Variants in CBLB observed in about 807,000 individuals in gnomAD.
CBLB encodes E3 ubiquitin-protein ligase CBL-B.
In CBLB, 31 loss-of-function variants were observed where a neutral mutation model predicts 104.9. The observed-to-expected ratio is 0.30, with a 90% confidence interval of 0.22 to 0.40. CBLB has a LOEUF of 0.40. CBLB is among the 10% of genes least tolerant of loss of function. The pLI is 1.00. For missense variants in CBLB, 1,062 were observed against 1,214.6 expected (o/e 0.87, Z 1.87); for synonymous variants, 440 against 422.6 (o/e 1.04, Z -0.51).
chr3:105,787,139 A>C (rs965020468), intron 3 of CBLB, among the ~76,000 whole-genome samples: 3 of 152,206 alleles, frequency 2.0e-5, no homozygotes, highest in African/African-American at 7.2e-5. Flanking sequence ...ATTTCCCTGA[A>C]CCACTATAGA....
At chr3:105,786,452 G>A (rs569954529) in intron 3 of CBLB, among the ~76,000 whole-genome samples, 6 of 152,170 alleles carry the variant, frequency 3.9e-5, no homozygotes, top group South Asian at 4.1e-4. Context: ...ACGCTGCTTC[G>A]GCTTTCAAAC....
At chr3:105,750,020 T>C (rs1053994715) in intron 5 of CBLB, among the ~76,000 whole-genome samples, 10 of 140,100 alleles carry the variant, frequency 7.1e-5, no homozygotes, top group African/African-American at 2.4e-4. Context: ...ATATCCTATA[T>C]GTATTTTTTT....
At chr3:105,727,217 G>A (rs2073769675) in intron 9 of CBLB, among the ~76,000 whole-genome samples, 1 of 152,134 alleles carries the variant, frequency 6.6e-6, no homozygotes, top group African/African-American at 2.4e-5. Flanking sequence ...AGCATCTGTT[G>A]TTTCCTGACT....
intron 3 of CBLB, among the ~76,000 whole-genome samples, chr3:105,810,548 T>C (rs1009264499): frequency 1.3e-5 from 2 of 152,086 alleles, no homozygotes; most frequent in African/African-American, 4.8e-5. Flanking sequence ...TTCATAAGAC[T>C]TTAATTCTAA....
rs1310067957 is a variant in CBLB at position 105,767,574 on chromosome 3, T to TC, written c.566+8821_566+8822insG. Among the ~76,000 whole-genome samples, 6 of 150,696 alleles carry TC rather than the reference T, an allele frequency of 4.0e-5. No individual in the cohort carries two copies. In the East Asian group the frequency reaches 1.2e-3, roughly 29 times the overall value. ...TTTCTTTTTCTTTCTTTTTTTTTTT[T>TC]TGCTTTTAGATTGCTACAGAGTATG... On this transcript the variant is annotated intron_variant, in intron 4 of 18. Transcript: ENST00000394030.
At chr3:105,789,281 T>C (rs2081374958) in intron 3 of CBLB, among the ~76,000 whole-genome samples, 1 of 152,168 alleles carries the variant, frequency 6.6e-6, no homozygotes. Flanking sequence ...TCTCTGAGAA[T>C]AGAAATGAGT....
chr3:105,859,868 T>G lies in CBLB; in HGVS notation c.169-6204A>C, dbSNP rs545512327. 4.6e-4 allele frequency among the ~76,000 whole-genome samples: 70 copies of G among 152,080 alleles called. 1 individual carries two copies. The South Asian group carries it at 0.013, about 28-fold the overall frequency. On this transcript the variant is annotated intron_variant, in intron 2 of 18. Transcript: ENST00000394030. ...AAATGTATTTTACTAAGTATAAAAA[T>G]GTACAGTGTAAAAAAGTATAAAAAT...
intron 3 of CBLB, among the ~76,000 whole-genome samples, chr3:105,781,790 T>C (rs770729514): frequency 2.6e-5 from 4 of 152,214 alleles, no homozygotes; most frequent in Non-Finnish European, 5.9e-5. Flanking sequence ...TGTGCTGCTT[T>C]TGGTAGAAGA....
intron 10 of CBLB, among the ~76,000 whole-genome samples, chr3:105,712,772 G>T (rs1427654650): frequency 6.6e-6 from 1 of 152,118 alleles, no homozygotes. Context: ...ATGTGGTCAT[G>T]CAATGAAATT....
intron 3 of CBLB, among the ~76,000 whole-genome samples, chr3:105,851,374 C>CG (rs2090929307): frequency 6.6e-6 from 1 of 151,848 alleles, no homozygotes; most frequent in Admixed American, 6.6e-5. Context: ...GCCATGGGTT[C>CG]AGGGGGGGAA....
intron 18 of CBLB, among the ~76,000 whole-genome samples, chr3:105,665,404 AATAAATAAATAAAT>A (rs1283993370): frequency 1.2e-3 from 76 of 62,490 alleles, no homozygotes; most frequent in South Asian, 6.8e-3. Context: ...TAAATAAATA[AATAAATAAATAAAT>A]ATATATATAT....
intron 3 of CBLB, among the ~76,000 whole-genome samples, chr3:105,794,602 G>C (rs1015089059): frequency 3.3e-5 from 5 of 152,270 alleles, no homozygotes; most frequent in Admixed American, 3.3e-4. Flanking sequence ...CTAGGGGCTA[G>C]AATTGAGTCT....
intron 4 of CBLB, among the ~76,000 whole-genome samples, chr3:105,771,003 G>A (rs891824437): frequency 1.3e-5 from 2 of 152,166 alleles, no homozygotes; most frequent in South Asian, 2.1e-4. Context: ...TACTGAAACT[G>A]TTCTAAAAGA....
chr3:105,719,739 T>C (rs866933103), intron 10 of CBLB, among the ~76,000 whole-genome samples: 1 of 152,184 alleles, frequency 6.6e-6, no homozygotes, highest in African/African-American at 2.4e-5. Flanking sequence ...CTCCTACTTA[T>C]GAAAAAAAGT....
chr3:105,807,390 G>A (rs2083654156), intron 3 of CBLB, among the ~76,000 whole-genome samples: 1 of 152,118 alleles, frequency 6.6e-6, no homozygotes, highest in Non-Finnish European at 1.5e-5. Context: ...GACCTCGTAG[G>A]TAGAGATATT....
intron 2 of CBLB, among the ~76,000 whole-genome samples, chr3:105,863,553 G>A (rs983229629): frequency 6.6e-6 from 1 of 152,106 alleles, no homozygotes; most frequent in Non-Finnish European, 1.5e-5. Context: ...GAGATATGAG[G>A]AACTCAGCTT....
intron 13 of CBLB, among the ~76,000 whole-genome samples, chr3:105,689,363 C>A (rs1480719034): frequency 1.3e-5 from 2 of 150,862 alleles, no homozygotes; most frequent in Non-Finnish European, 3.0e-5. Flanking sequence ...ATAGATAATA[C>A]CACCTCCAAC....
chr3:105,857,790 C>A (rs2091754489), intron 2 of CBLB, among the ~76,000 whole-genome samples: 1 of 152,072 alleles, frequency 6.6e-6, no homozygotes, highest in African/African-American at 2.4e-5. Flanking sequence ...AGGAATAAAT[C>A]ACACACCTGC....
Position 105,783,564 on chromosome 3 carries a change from G to T in CBLB, c.420-7022C>A, listed in dbSNP as rs62261537. Among the ~76,000 whole-genome samples, 1,308 of 152,110 alleles carry T rather than the reference G, an allele frequency of 8.6e-3. 11 individuals carry two copies. Among genetic ancestry groups the T allele is most frequent in the South Asian group, 0.019 (91 of 4,818 alleles). ...TCAAATCTCTGAGTGCCTATTATAC[G>T]CCAGGCTTAGTCTAGGCACTGATAT... On this transcript the variant is annotated intron_variant, in intron 3 of 18. Coordinates refer to ENST00000394030, the MANE Select transcript of CBLB (RefSeq NM_170662.5).
Sources: allele counts gnomAD v4.1 joint callset (sites outside exome capture counted in the v4.1 genomes callset), GRCh38; gene constraint gnomAD v4.1.1; transcripts MANE v1.5; gene names NCBI Gene and HGNC (gene_info 2026-07-23, HGNC 2026-07-21).